The following DNAJC21 variants were observed in gnomAD, a reference collection of about 807,000 sequenced individuals.
The protein encoded by DNAJC21 is dnaJ homolog subfamily C member 21.
In DNAJC21, 63 loss-of-function variants were observed where a neutral mutation model predicts 72.4. The observed-to-expected ratio is 0.87, with a 90% confidence interval of 0.71 to 1.07. The LOEUF is 1.07. DNAJC21 is among the 50% of genes least tolerant of loss of function. DNAJC21 has a pLI of 0.00. For missense variants in DNAJC21, 634 were observed against 644.8 expected (o/e 0.98, Z 0.18); for synonymous variants, 203 against 216.7 (o/e 0.94, Z 0.56).
At position 34,945,043 on chromosome 5, in the gene DNAJC21, A is replaced by G. The variant is rs1379713464; in HGVS notation, c.1142+18A>G. On this transcript the variant is annotated intron_variant, in intron 8 of 11. Transcript: ENST00000648817. ...AAACAAAAGTACTTCTAAATATTAA[A>G]TGTCACTAGAAATACTTATCACATT... The G allele has an allele frequency of 2.5e-5, 40 of 1,607,656 alleles. No individual in the cohort carries two copies. Among genetic ancestry groups the G allele is most frequent in the Non-Finnish European group, 3.1e-5 (37 of 1,178,054 alleles).
At chr5:34,951,772 C>T (rs1235778352) in intron 10 of DNAJC21, 1 of 980,774 alleles carries the variant, frequency 1.0e-6, no homozygotes, top group African/African-American at 1.8e-5. Context: ...GATCTGCCCG[C>T]CTTGGCCTAC....
chr5:34,934,196 A>G (rs927643329), intron 2 of DNAJC21, among the ~76,000 whole-genome samples: 1 of 152,106 alleles, frequency 6.6e-6, no homozygotes, highest in African/African-American at 2.4e-5. Context: ...GGTGTATGAT[A>G]GATTTACTGA....
rs146260542 is a variant in DNAJC21 at position 34,941,144 on chromosome 5, A to T, written c.944A>T (p.Tyr315Phe). ...GACGCTGAGCTCTATGATGACCTTT[A>T]CTGCCCAGCATGTGACAAATCGTTC... ...AEDAELYDDL[Y>F]CPACDKSFKT... The change falls in exon 7 of 12, where the codon TAC becomes TTC. Residue 315 changes from tyrosine to phenylalanine, a missense_variant. Coordinates refer to ENST00000648817, the MANE Select transcript of DNAJC21 (RefSeq NM_001012339.3). The T allele has an allele frequency of 1.7e-4, 269 of 1,614,166 alleles. 1 individual carries two copies. The highest frequency in any genetic ancestry group is 3.0e-4 in the Admixed American group (18 of 60,012).
chr5:34,945,000 G>A lies in DNAJC21; in HGVS notation c.1117G>A (p.Glu373Lys), dbSNP rs746681361. 2.4e-5 allele frequency: 39 copies of A among 1,613,448 alleles called. No individual in the cohort carries two copies. In the South Asian group the frequency reaches 4.2e-4, roughly 17 times the overall value. Residue 373 changes from glutamate (E) to lysine (K), a missense_variant, in exon 8 of 12, where the codon GAA becomes AAA. Physicochemically the swap from Glu to Lys is moderately conservative, Grantham distance 56 (BLOSUM62 1). Coordinates refer to ENST00000648817, the MANE Select transcript of DNAJC21 (RefSeq NM_001012339.3). ...ENPLDDNSEE[E>K]MEDAPKQKLS... ...TCCATTAGATGACAATTCTGAGGAA[G>A]AAATGGAAGATGCACCAAAACAAAA...
intron 2 of DNAJC21, among the ~76,000 whole-genome samples, chr5:34,934,273 G>T (rs770391201): frequency 3.3e-5 from 5 of 151,986 alleles, no homozygotes; most frequent in Non-Finnish European, 5.9e-5. Flanking sequence ...CTGTCACCCA[G>T]GCTGGAGTGC....
In DNAJC21 at chr5:34,936,050, T is replaced by C. The variant is rs966794967; in HGVS notation, c.316-94T>C. ...GGACTGAACTTTGTCCCAAAATTCT[T>C]CAACATTAAAATTTTTCATTTTGTA... is the stretch of plus-strand genomic sequence containing the variant. On this transcript the variant is annotated intron_variant, in intron 3 of 11. Coordinates refer to ENST00000648817, the MANE Select transcript of DNAJC21 (RefSeq NM_001012339.3). 6.6e-6 allele frequency: 10 copies of C among 1,523,838 alleles called. No homozygotes were observed. In the East Asian group the frequency reaches 2.0e-4, roughly 31 times the overall value. The allele number at this position is 1,523,838 out of a possible 1,614,324, so 94.4% of individuals were successfully genotyped here. A position where few individuals can be genotyped will look rare whatever the true frequency, so the allele number is the denominator to read the frequency against.
At chr5:34,945,848 T>C (rs969310974) in intron 9 of DNAJC21, 45 bp downstream of exon 9, 2 of 1,362,460 alleles carry the variant, frequency 1.5e-6, no homozygotes, top group Non-Finnish European at 2.0e-6. Context: ...AACGATAAAG[T>C]TGCAGTGCTC....
chr5:34,944,639 T>C (rs1765112870), intron 7 of DNAJC21, among the ~76,000 whole-genome samples: 2 of 149,618 alleles, frequency 1.3e-5, no homozygotes, highest in African/African-American at 5.0e-5. Context: ...AAAGAAAGAG[T>C]GTGGCCACGA....
chr5:34,937,538 G>C lies in DNAJC21; in HGVS notation c.651G>C (p.Val217=), dbSNP rs1421993501. 1 of 1,614,062 alleles carries C rather than the reference G, an allele frequency of 6.2e-7. No individual in the cohort carries two copies. Among genetic ancestry groups the C allele is most frequent in the Non-Finnish European group, 8.5e-7 (1 of 1,179,926 alleles). The change falls in exon 5 of 12, where the codon GTG becomes GTC. Residue 217 remains valine, a synonymous_variant. Transcript: ENST00000648817. ...VAFIRKRDKR[V]QAHRKLVEEQ... is the part of the protein sequence containing the mutation. ...TCATTCGTAAAAGAGATAAAAGAGTGCAGGCGCATCGAAAACTTGTGGAAG... is the reference window on the plus strand; with the variant it reads ...TCATTCGTAAAAGAGATAAAAGAGTCCAGGCGCATCGAAAACTTGTGGAAG...
chr5:34,943,449 C>A (rs1469800248), intron 7 of DNAJC21, among the ~76,000 whole-genome samples: 1 of 152,198 alleles, frequency 6.6e-6, no homozygotes, highest in African/African-American at 2.4e-5. Flanking sequence ...TAAAGTCCTT[C>A]TACCCCTCAT....
At position 34,937,486 on chromosome 5, in the gene DNAJC21, A is replaced by G; in HGVS notation, c.599A>G (p.Asn200Ser). Reference protein sequence around the residue: ...KIRDKARKEKNELVRQLVAFI... With the variant: ...KIRDKARKEKSELVRQLVAFI... ...CGGGACAAAGCAAGGAAAGAGAAGA[A>G]TGAGCTTGTCCGTCAGCTGGTAGCT... is the stretch of plus-strand genomic sequence containing the variant. The change falls in exon 5 of 12, where the codon AAT becomes AGT. Residue 200 changes from asparagine to serine, a missense_variant. By Grantham distance (46) the Asn-to-Ser change is conservative. Coordinates refer to ENST00000648817, the MANE Select transcript of DNAJC21 (RefSeq NM_001012339.3). 4 of 1,614,216 alleles carry G rather than the reference A, an allele frequency of 2.5e-6. No homozygotes were observed. The highest frequency in any genetic ancestry group is 3.4e-6 in the Non-Finnish European group (4 of 1,180,012).
chr5:34,953,732 T>C (rs1765451127), intron 10 of DNAJC21, 194 bp from the exon 11 acceptor site: 2 of 446,310 alleles, frequency 4.5e-6, no homozygotes, highest in African/African-American at 2.0e-5. Context: ...AAATTTGATA[T>C]TCAATTTGAT....
At chr5:34,947,121 A>G (rs1765197598) in intron 9 of DNAJC21, among the ~76,000 whole-genome samples, 1 of 152,172 alleles carries the variant, frequency 6.6e-6, no homozygotes, top group African/African-American at 2.4e-5. Flanking sequence ...GAGATTGGGG[A>G]AGTTTTCTGT....
intron 6 of DNAJC21, among the ~76,000 whole-genome samples, chr5:34,940,128 C>CT: frequency 6.6e-6 from 1 of 152,288 alleles, no homozygotes; most frequent in East Asian, 1.9e-4. Context: ...GGAATCGTCT[C>CT]TGTTTTGCCG....
chr5:34,954,835 T>G lies in DNAJC21; in HGVS notation c.*121T>G. ...AATTAATTACATTGTGGAAGATTAT[T>G]TTTTATCTTGTAAAAACACTTTTTT... On this transcript the variant is annotated 3_prime_UTR_variant, in exon 12 of 12. Transcript: ENST00000648817. 1 of 1,156,170 alleles carries G rather than the reference T, an allele frequency of 8.6e-7. No homozygotes were observed. Among genetic ancestry groups the G allele is most frequent in the Admixed American group, 3.6e-5 (1 of 27,862 alleles). 71.6% of individuals were successfully genotyped at this position (1,156,170 alleles called of 1,614,324 possible).
rs141348854 is a variant in DNAJC21 at position 34,941,132 on chromosome 5, A to G, written c.932A>G (p.Tyr311Cys). The change falls in exon 7 of 12, where the codon TAT (tyrosine) becomes TGT (cysteine). Residue 311 changes from tyrosine (Y) to cysteine (C), a missense_variant. Transcript: ENST00000648817. ...GATGAGGCCGAGGACGCTGAGCTCT[A>G]TGATGACCTTTACTGCCCAGCATGT... ...DSDEAEDAEL[Y>C]DDLYCPACDK... The G allele has an allele frequency of 7.7e-5, 125 of 1,614,174 alleles. No individual in the cohort carries two copies. In the African/African-American group the frequency reaches 1.0e-3, roughly 13 times the overall value.
intron 2 of DNAJC21, among the ~76,000 whole-genome samples, chr5:34,935,281 G>A (rs1401816423): frequency 1.3e-5 from 2 of 152,194 alleles, no homozygotes; most frequent in African/African-American, 4.8e-5. Context: ...TTGTGTGTGT[G>A]TGAAGCTCCT....
At chr5:34,954,494 A>G in intron 11 of DNAJC21, 59 bp from the exon 12 acceptor site, 4 of 1,509,378 alleles carry the variant, frequency 2.7e-6, no homozygotes, top group Middle Eastern at 1.8e-4. Flanking sequence ...ATTAAAACCT[A>G]AAACACTACT....
At chr5:34,932,863 G>A (rs1764647552) in intron 1 of DNAJC21, among the ~76,000 whole-genome samples, 1 of 152,238 alleles carries the variant, frequency 6.6e-6, no homozygotes, top group South Asian at 2.1e-4. Flanking sequence ...AGAAACTGCA[G>A]TCTTTTATAA....
Sources: allele counts gnomAD v4.1 joint callset (sites outside exome capture counted in the v4.1 genomes callset), GRCh38; gene constraint gnomAD v4.1.1; transcripts MANE v1.5; gene names NCBI Gene and HGNC (gene_info 2026-07-23, HGNC 2026-07-21).